The following CCR8 variants were observed in gnomAD, a reference collection of about 807,000 sequenced individuals.
CCR8 encodes the protein C-C motif chemokine receptor 8.
For synonymous variants in CCR8, 156 were observed against 165.7 expected (o/e 0.94, Z 0.45); for missense variants, 358 against 417.5 (o/e 0.86, Z 1.24).
chr3:39,333,390 C>T lies in CCR8; in HGVS notation c.1059C>T (p.Tyr353=). Residue 353 remains tyrosine (Y), a synonymous_variant, in exon 2 of 2, where the codon TAC becomes TAT. Coordinates refer to ENST00000326306, the MANE Select transcript of CCR8 (RefSeq NM_005201.4). ...QHSSRSSSVD[Y]IL ...CCTCCCGTTCCTCCAGCGTAGACTA[C>T]ATTTTGTGAGGATCAATGAAGACTA... is the stretch of plus-strand genomic sequence containing the variant. The T allele has an allele frequency of 6.2e-7, 1 of 1,608,312 alleles. No individual in the cohort carries two copies. The highest frequency in any genetic ancestry group is 1.1e-5 in the South Asian group (1 of 90,374).
intron 1 of CCR8, among the ~76,000 whole-genome samples, chr3:39,330,358 C>T (rs577964974): frequency 6.6e-6 from 1 of 152,266 alleles, no homozygotes; most frequent in East Asian, 1.9e-4. Flanking sequence ...AACTACTGTA[C>T]TCCAGCTTGG....
chr3:39,333,643 C>T lies in CCR8; in HGVS notation c.*244C>T. ...TGGTAACTTTAAAGGATTCTGTATG[C>T]CAAGTGAAAAAAAAAGATGTCTGAC... On this transcript the variant is annotated 3_prime_UTR_variant, in exon 2 of 2. Transcript: ENST00000326306. 1.3e-5 allele frequency: 6 copies of T among 476,066 alleles called. No individual in the cohort carries two copies. The highest frequency in any genetic ancestry group is 3.4e-5 in the South Asian group (1 of 29,146). The allele number at this position is 476,066 out of a possible 1,614,324, so 29.5% of individuals were successfully genotyped here.
intron 1 of CCR8, among the ~76,000 whole-genome samples, chr3:39,330,874 A>AG (rs1164353219): frequency 6.6e-6 from 1 of 152,120 alleles, no homozygotes; most frequent in Admixed American, 6.6e-5. Flanking sequence ...GTAAAAGTAC[A>AG]GGGGGAAATT....
chr3:39,330,155 G>A (rs2041245708), intron 1 of CCR8, among the ~76,000 whole-genome samples: 1 of 152,114 alleles, frequency 6.6e-6, no homozygotes, highest in South Asian at 2.1e-4. Context: ...CCTTGTGCTG[G>A]GTACAGGGCT....
Position 39,333,011 on chromosome 3 carries a change from G to A in CCR8, c.680G>A (p.Arg227Lys). The part of the protein sequence containing the change: ...CYIKILHQLK[R>K]CQNHNKTKAI... Reference sequence around the variant, plus strand: ...ATTAAAATCCTGCACCAGCTGAAGAGGTGTCAAAACCACAACAAGACCAAG... The same window carrying A: ...ATTAAAATCCTGCACCAGCTGAAGAAGTGTCAAAACCACAACAAGACCAAG... Residue 227 changes from arginine (R) to lysine (K), a missense_variant, in exon 2 of 2, where the codon AGG becomes AAG. Arg to Lys is a conservative substitution (Grantham distance 26). Transcript: ENST00000326306. 6.2e-7 allele frequency: 1 copy of A among 1,614,148 alleles called. No individual in the cohort carries two copies. Among genetic ancestry groups the A allele is most frequent in the Non-Finnish European group, 8.5e-7 (1 of 1,180,020 alleles).
chr3:39,332,284 G>C, intron 1 of CCR8, 34 bp from the exon 2 acceptor site: 1 of 1,226,356 alleles, frequency 8.2e-7, no homozygotes, highest in Non-Finnish European at 1.2e-6. Flanking sequence ...ATGTTTTTAA[G>C]GAGTGAATGT....
At chr3:39,330,228 T>C (rs2041246056) in intron 1 of CCR8, among the ~76,000 whole-genome samples, 1 of 152,148 alleles carries the variant, frequency 6.6e-6, no homozygotes, top group Non-Finnish European at 1.5e-5. Flanking sequence ...GCGAGCAAAC[T>C]TTCATATGAC....
rs2041273190 is a variant in CCR8 at position 39,333,513 on chromosome 3, T to C, written c.*114T>C. ...AAAAAGTTCAGCATGAAGGATGCCA[T>C]ATATGTTGTTGCCAACACTTGGAAC... On this transcript the variant is annotated 3_prime_UTR_variant, in exon 2 of 2. Transcript: ENST00000326306. The C allele has an allele frequency of 1.4e-6, 1 of 726,488 alleles. No individual in the cohort carries two copies. The highest frequency in any genetic ancestry group is 2.3e-6 in the Non-Finnish European group (1 of 437,886). The allele number at this position is 726,488 out of a possible 1,614,324, so 45.0% of individuals were successfully genotyped here.
chr3:39,330,012 C>A (rs183069975), intron 1 of CCR8, among the ~76,000 whole-genome samples, 183 bp downstream of exon 1: 7 of 152,282 alleles, frequency 4.6e-5, no homozygotes, highest in African/African-American at 1.7e-4. Flanking sequence ...AGTGGCTGCC[C>A]ATGCTCTGGC....
At chr3:39,331,966 T>C (rs1408243965) in intron 1 of CCR8, among the ~76,000 whole-genome samples, 3 of 150,974 alleles carry the variant, frequency 2.0e-5, no homozygotes. Flanking sequence ...ATTACAGGCA[T>C]GCACCCGCCA....
intron 1 of CCR8, among the ~76,000 whole-genome samples, chr3:39,331,820 A>ATTTTT (rs57593683): frequency 1.1e-5 from 1 of 93,986 alleles, no homozygotes; most frequent in Admixed American, 1.4e-4. Flanking sequence ...TTTAATTTTA[A>ATTTTT]TTTTTTTTTT....
chr3:39,330,132 T>C (rs1297815379), intron 1 of CCR8, among the ~76,000 whole-genome samples: 1 of 152,162 alleles, frequency 6.6e-6, no homozygotes, highest in Non-Finnish European at 1.5e-5. Flanking sequence ...ACCAGGCATC[T>C]GGGAAGATCT....
intron 1 of CCR8, among the ~76,000 whole-genome samples, chr3:39,331,796 CTTT>C (rs1306632112): frequency 1.6e-5 from 2 of 126,046 alleles, no homozygotes; most frequent in Admixed American, 8.5e-5. Context: ...CTCATTTAAC[CTTT>C]TTTTTTTTTT....
At chr3:39,331,786 C>T (rs1309901391) in intron 1 of CCR8, among the ~76,000 whole-genome samples, 1 of 145,890 alleles carries the variant, frequency 6.9e-6, no homozygotes, top group East Asian at 2.0e-4. Context: ...CCTTTATAAC[C>T]TCATTTAACC....
In CCR8 at chr3:39,332,925, C is replaced by T. The variant is rs2041268400; in HGVS notation, c.594C>T (p.Thr198=). ...AGACTTTGAAGTGGAAGATCTTCAC[C>T]AACTTCAAAATGAACATTTTAGGCT... ...NQQTLKWKIF[T]NFKMNILGLL... is the part of the protein sequence containing the mutation. Residue 198 remains threonine, a synonymous_variant, in exon 2 of 2, where the codon ACC becomes ACT. Coordinates refer to ENST00000326306, the MANE Select transcript of CCR8 (RefSeq NM_005201.4). The T allele has an allele frequency of 5.0e-6, 8 of 1,614,000 alleles. No homozygotes were observed. Among genetic ancestry groups the T allele is most frequent in the Non-Finnish European group, 5.9e-6 (7 of 1,179,908 alleles).
chr3:39,332,310 G>C lies in CCR8; in HGVS notation c.-14-8G>C, dbSNP rs1004665543. 3.3e-6 allele frequency: 5 copies of C among 1,497,882 alleles called. No individual in the cohort carries two copies. In the Admixed American group the frequency reaches 8.5e-5, roughly 26 times the overall value. The allele number at this position is 1,497,882 out of a possible 1,614,324, so 92.8% of individuals were successfully genotyped here. The stretch of plus-strand genomic sequence containing the variant: ...GAGTGAATGTCTTTTATGTGTCTCT[G>C]TGACCAGGTCCCGCTGCCTTGATGG... On this transcript the variant is annotated splice_region_variant and splice_polypyrimidine_tract_variant and intron_variant, in intron 1 of 1. Coordinates refer to ENST00000326306, the MANE Select transcript of CCR8 (RefSeq NM_005201.4).
In CCR8 at chr3:39,331,362, G is replaced by A. The variant is rs534466369; in HGVS notation, c.-14-956G>A. ...CAGCCTTCTTGCTGTGTCCTCACATGGTCTTTACTCCATGCACAAGGGGAG... is the reference window on the plus strand; with the variant it reads ...CAGCCTTCTTGCTGTGTCCTCACATAGTCTTTACTCCATGCACAAGGGGAG... On this transcript the variant is annotated intron_variant, in intron 1 of 1. Transcript: ENST00000326306. Among the ~76,000 whole-genome samples, 4 of 152,254 alleles carry A rather than the reference G, an allele frequency of 2.6e-5. No homozygotes were observed. In the East Asian group the frequency reaches 7.7e-4, roughly 29 times the overall value.
In CCR8 at chr3:39,332,719, G is replaced by T. The variant is rs556680323; in HGVS notation, c.388G>T (p.Asp130Tyr). The change falls in exon 2 of 2, where the codon GAC becomes TAC. Residue 130 changes from aspartate to tyrosine, a missense_variant. Asp to Tyr is a radical substitution (Grantham distance 160). Coordinates refer to ENST00000326306, the MANE Select transcript of CCR8 (RefSeq NM_005201.4). Reference protein sequence around the residue: ...SMFFITLMSVDRYLAVVHAVY... With the variant: ...SMFFITLMSVYRYLAVVHAVY... Reference sequence around the variant, plus strand: ...GTTTTTCATCACCCTCATGAGTGTGGACAGGTACCTGGCTGTTGTCCATGC... The same window carrying T: ...GTTTTTCATCACCCTCATGAGTGTGTACAGGTACCTGGCTGTTGTCCATGC... The T allele has an allele frequency of 6.2e-7, 1 of 1,614,124 alleles. No individual in the cohort carries two copies. The highest frequency in any genetic ancestry group is 1.1e-5 in the South Asian group (1 of 91,064).
chr3:39,331,796 CTTTTTTTTTTTTTTTTAATTTTAAT>C (rs1379876845), intron 1 of CCR8, among the ~76,000 whole-genome samples: 16 of 126,052 alleles, frequency 1.3e-4, no homozygotes, highest in East Asian at 4.6e-4. Flanking sequence ...CTCATTTAAC[CTTTTTTTTTTTTTTTTAATTTTAAT>C]TTTTTTTTTT....
Sources: allele counts gnomAD v4.1 joint callset (sites outside exome capture counted in the v4.1 genomes callset), GRCh38; gene constraint gnomAD v4.1.1; transcripts MANE v1.5; gene names NCBI Gene and HGNC (gene_info 2026-07-23, HGNC 2026-07-21).